Variants in CNTN1 observed in about 807,000 individuals in gnomAD.
CNTN1 encodes contactin-1.
Under a neutral mutation model 126.4 loss-of-function variants are expected in CNTN1, and 38 were observed. That is an observed-to-expected ratio of 0.30 (90% confidence interval 0.23 to 0.39). The LOEUF (loss-of-function observed/expected upper bound fraction) is 0.39, where lower values mean the gene tolerates loss of function less well. Ranked by LOEUF, CNTN1 falls within the 10% of genes least tolerant of loss-of-function variation. The pLI is 1.00. For synonymous variants in CNTN1, 413 were observed against 422.6 expected (o/e 0.98, Z 0.28); for missense variants, 1,009 against 1,248.4 (o/e 0.81, Z 2.89).
chr12:40,867,841 G>A (rs1943352020), intron 1 of CNTN1, among the ~76,000 whole-genome samples: 1 of 151,498 alleles, frequency 6.6e-6, no homozygotes, highest in Non-Finnish European at 1.5e-5. Context: ...AGTCACACTG[G>A]TTCCTTTCTG....
intron 14 of CNTN1, among the ~76,000 whole-genome samples, chr12:40,945,184 C>T (rs1592297207): frequency 6.6e-6 from 1 of 152,080 alleles, no homozygotes; most frequent in African/African-American, 2.4e-5. Context: ...TAAAGAATAA[C>T]AATTGAGAAT....
At chr12:41,034,820 A>T (rs1275404241) in intron 23 of CNTN1, among the ~76,000 whole-genome samples, 1 of 152,218 alleles carries the variant, frequency 6.6e-6, no homozygotes, top group Non-Finnish European at 1.5e-5. Context: ...TGTAACAAAC[A>T]TGAAGTTGGA....
chr12:41,016,804 T>C lies in CNTN1; in HGVS notation c.2307T>C (p.His769=), dbSNP rs2120747137. The change falls in exon 19 of 24, where the codon CAT becomes CAC. Residue 769 remains histidine, a synonymous_variant. Coordinates refer to ENST00000551295, the MANE Select transcript of CNTN1 (RefSeq NM_001843.4). The part of the protein sequence containing the change: ...VTNPDTGRYV[H]KDETMSPSTA... The stretch of plus-strand genomic sequence containing the variant: ...ATCCTGATACTGGCCGATATGTCCA[T>C]AAAGATGAAACCATGAGCCCTTCCA... The C allele has an allele frequency of 6.2e-7, 1 of 1,614,100 alleles. No individual in the cohort carries two copies. Among genetic ancestry groups the C allele is most frequent in the Admixed American group, 1.7e-5 (1 of 60,012 alleles).
At chr12:40,953,052 A>G (rs943508149) in intron 14 of CNTN1, among the ~76,000 whole-genome samples, 2 of 152,134 alleles carry the variant, frequency 1.3e-5, no homozygotes, top group Non-Finnish European at 1.5e-5. Flanking sequence ...GATTAATTCA[A>G]TTTGTTAATA....
chr12:40,893,203 T>C (rs1252471125), intron 1 of CNTN1, among the ~76,000 whole-genome samples: 1 of 152,018 alleles, frequency 6.6e-6, no homozygotes, highest in Non-Finnish European at 1.5e-5. Flanking sequence ...TGCATAGTCA[T>C]GTTAGGAGTT....
rs144896071 is a variant in CNTN1, at chr12:40,939,336, G to T, written c.1230G>T (p.Ala410=). Residue 410 remains alanine (A), a splice_region_variant and synonymous_variant, in exon 12 of 24, where the codon GCG becomes GCT. Coordinates refer to ENST00000551295, the MANE Select transcript of CNTN1 (RefSeq NM_001843.4). ...IYANAELKIL[A]LAPTFEMNPM... is the part of the protein sequence containing the mutation. ...GATAACAATTTGTTTTCTTTTTAGC[G>T]TTGGCTCCAACTTTTGAAATGAATC... 4 of 1,613,486 alleles carry T rather than the reference G, an allele frequency of 2.5e-6. No homozygotes were observed. The highest frequency in any genetic ancestry group is 3.3e-5 in the Admixed American group (2 of 59,900).
intron 14 of CNTN1, among the ~76,000 whole-genome samples, chr12:40,951,780 A>C (rs1592311495): frequency 1.3e-5 from 2 of 151,762 alleles, no homozygotes; most frequent in South Asian, 4.2e-4. Flanking sequence ...ATGTAAGAAA[A>C]TGACCTCAAT....
chr12:40,949,417 T>TC (rs1566017722), intron 14 of CNTN1, among the ~76,000 whole-genome samples: 3 of 100,166 alleles, frequency 3.0e-5, no homozygotes, highest in African/African-American at 7.6e-5. Context: ...ATGCTATCCC[T>TC]ACCCCCCCTC....
chr12:41,048,804 A>G (rs544687890), intron 23 of CNTN1, among the ~76,000 whole-genome samples: 1 of 152,282 alleles, frequency 6.6e-6, no homozygotes, highest in African/African-American at 2.4e-5. Flanking sequence ...GGAACGAAGA[A>G]AAACAAAAAA....
chr12:40,783,457 T>G (rs1258904090), intron 1 of CNTN1, among the ~76,000 whole-genome samples: 1 of 152,048 alleles, frequency 6.6e-6, no homozygotes, highest in Non-Finnish European at 1.5e-5. Context: ...GACCTTAAAA[T>G]GTTGACTTCT....
intron 15 of CNTN1, among the ~76,000 whole-genome samples, chr12:40,964,521 A>AGTGTGTGT (rs768904007): frequency 8.9e-6 from 1 of 112,720 alleles, no homozygotes; most frequent in Admixed American, 8.3e-5. Flanking sequence ...ACACCGTGTA[A>AGTGTGTGT]GTGAGTGTGT....
intron 16 of CNTN1, among the ~76,000 whole-genome samples, chr12:40,986,500 T>G (rs12815606): frequency 0.048 from 7,336 of 152,250 alleles, 271 homozygotes; most frequent in Non-Finnish European, 0.075. Context: ...GAGGTTTTCC[T>G]GTCCTGCTAT....
intron 1 of CNTN1, among the ~76,000 whole-genome samples, chr12:40,890,644 G>A (rs979482409): frequency 6.6e-6 from 1 of 151,948 alleles, no homozygotes; most frequent in African/African-American, 2.4e-5. Context: ...TTAGTAATAT[G>A]CATTTAAGTT....
At chr12:40,771,528 A>G (rs1170710071) in intron 1 of CNTN1, among the ~76,000 whole-genome samples, 1 of 152,094 alleles carries the variant, frequency 6.6e-6, no homozygotes, top group African/African-American at 2.4e-5. Context: ...AGACAGAGGA[A>G]ACCTGACTAT....
intron 22 of CNTN1, 109 bp downstream of exon 22, chr12:41,028,078 C>T: frequency 1.3e-6 from 1 of 761,468 alleles, no homozygotes; most frequent in South Asian, 1.5e-5. Context: ...GTCACCCAGA[C>T]CGGAGTGCAG....
intron 3 of CNTN1, 129 bp from the exon 4 acceptor site, chr12:40,918,510 A>G (rs1172928521): frequency 1.2e-6 from 1 of 831,250 alleles, no homozygotes; most frequent in African/African-American, 1.7e-5. Context: ...ATGGAGGCAA[A>G]TATCTTTGTT....
intron 1 of CNTN1, among the ~76,000 whole-genome samples, chr12:40,700,124 A>G (rs1941557366): frequency 6.6e-6 from 1 of 152,030 alleles, no homozygotes; most frequent in Non-Finnish European, 1.5e-5. Context: ...ACATACACAC[A>G]CACACCATAT....
chr12:40,796,445 T>C (rs1420574560), intron 1 of CNTN1, among the ~76,000 whole-genome samples: 1 of 152,052 alleles, frequency 6.6e-6, no homozygotes, highest in East Asian at 1.9e-4. Flanking sequence ...ATTCCAGATA[T>C]TATATATCAA....
intron 1 of CNTN1, among the ~76,000 whole-genome samples, chr12:40,760,485 T>G (rs1276533397): frequency 6.6e-6 from 1 of 152,100 alleles, no homozygotes; most frequent in Non-Finnish European, 1.5e-5. Context: ...TTTTTGCAGT[T>G]CTTTTGCAGT....
Sources: gnomAD v4.1 joint callset for allele counts (sites outside exome capture counted in the v4.1 genomes callset) on GRCh38, gnomAD v4.1.1 for gene constraint, MANE v1.5 for transcripts, NCBI Gene and HGNC (gene_info 2026-07-23, HGNC 2026-07-21) for gene names.